TNKS: variants seen among roughly 807,000 people sequenced by gnomAD.
The protein encoded by TNKS is tankyrase.
Under a neutral mutation model 135.8 loss-of-function variants are expected in TNKS, and 72 were observed. That is an observed-to-expected ratio of 0.53 (90% CI 0.44 to 0.64). The LOEUF (loss-of-function observed/expected upper bound fraction) is 0.64. Ranked by LOEUF, TNKS falls within the 30% of genes least tolerant of loss-of-function variation. The pLI, the probability that TNKS is intolerant of heterozygous loss-of-function variation, is 0.00. For synonymous variants in TNKS, 849 were observed against 649.3 expected (o/e 1.31, Z -4.68); for missense variants, 1,769 against 1,674.0 (o/e 1.06, Z -0.99).
chr8:9,636,046 T>G (rs1800497602), intron 3 of TNKS, among the ~76,000 whole-genome samples: 1 of 152,218 alleles, frequency 6.6e-6, no homozygotes, highest in African/African-American at 2.4e-5. Flanking sequence ...AAGTATTGTT[T>G]TTAAAAAATA....
intron 5 of TNKS, among the ~76,000 whole-genome samples, chr8:9,685,948 G>A (rs902933842): frequency 6.6e-6 from 1 of 152,118 alleles, no homozygotes; most frequent in African/African-American, 2.4e-5. Context: ...CCGTCTCTCA[G>A]TATAACTTTT....
At chr8:9,664,445 C>G (rs1801892482) in intron 3 of TNKS, among the ~76,000 whole-genome samples, 1 of 152,340 alleles carries the variant, frequency 6.6e-6, no homozygotes, top group Non-Finnish European at 1.5e-5. Flanking sequence ...ACACCTCTTA[C>G]TAGGTCCCAC....
At chr8:9,759,430 C>G (rs1180929163) in intron 20 of TNKS, among the ~76,000 whole-genome samples, 3 of 152,216 alleles carry the variant, frequency 2.0e-5, no homozygotes, top group Non-Finnish European at 4.4e-5. Flanking sequence ...GGTAGGAGAG[C>G]ACTTTCCACG....
intron 2 of TNKS, among the ~76,000 whole-genome samples, chr8:9,599,309 G>A (rs1385025072): frequency 6.6e-6 from 1 of 152,140 alleles, no homozygotes; most frequent in African/African-American, 2.4e-5. Context: ...ATTGGGATAC[G>A]AGAGAGTGTT....
intron 13 of TNKS, among the ~76,000 whole-genome samples, chr8:9,730,627 T>C (rs897343646): frequency 3.9e-5 from 6 of 152,172 alleles, no homozygotes; most frequent in African/African-American, 7.2e-5. Context: ...CTTGCTTTAT[T>C]GTGGGTTTTT....
intron 3 of TNKS, among the ~76,000 whole-genome samples, chr8:9,627,322 C>T (rs925459986): frequency 2.6e-5 from 4 of 152,182 alleles, no homozygotes; most frequent in African/African-American, 9.7e-5. Flanking sequence ...CTGTGAGCCA[C>T]TCTAGCAAAT....
In TNKS at chr8:9,735,461, C is replaced by G. The variant is rs759962077; in HGVS notation, c.2618C>G (p.Pro873Arg). ...GCCCAGGACAAGGGTGGTTTAATTCCTCTTCATAATGCGGCATCTTATGGG... is the reference window on the plus strand; with the variant it reads ...GCCCAGGACAAGGGTGGTTTAATTCGTCTTCATAATGCGGCATCTTATGGG... The part of the protein sequence containing the change: ...VNAQDKGGLI[P>R]LHNAASYGHV... The change falls in exon 17 of 27, where the codon CCT becomes CGT. Residue 873 changes from proline (P) to arginine (R), a missense_variant. Transcript: ENST00000310430. The G allele has an allele frequency of 6.2e-7, 1 of 1,613,832 alleles. No homozygotes were observed. The highest frequency in any genetic ancestry group is 8.5e-7 in the Non-Finnish European group (1 of 1,179,872).
At chr8:9,620,210 G>C (rs2128767277) in intron 3 of TNKS, among the ~76,000 whole-genome samples, 1 of 152,282 alleles carries the variant, frequency 6.6e-6, no homozygotes, top group East Asian at 1.9e-4. Flanking sequence ...GCCTCCCAAA[G>C]TGCCGGGATT....
intron 3 of TNKS, among the ~76,000 whole-genome samples, chr8:9,648,927 A>G (rs531567419): frequency 1.3e-5 from 2 of 152,014 alleles, no homozygotes; most frequent in African/African-American, 4.8e-5. Context: ...ACAGGATTGT[A>G]TAGGAAATTC....
intron 3 of TNKS, among the ~76,000 whole-genome samples, chr8:9,642,908 ATT>A (rs1434227732): frequency 6.8e-6 from 1 of 146,430 alleles, no homozygotes. Context: ...TTTATGTACT[ATT>A]GTTATAAAGT....
intron 26 of TNKS, among the ~76,000 whole-genome samples, chr8:9,772,203 C>A (rs1009603140): frequency 3.3e-5 from 5 of 151,278 alleles, no homozygotes; most frequent in African/African-American, 1.2e-4. Flanking sequence ...GGGATTGTTT[C>A]ACTAAGGAGA....
chr8:9,599,249 T>A (rs975784106), intron 2 of TNKS, among the ~76,000 whole-genome samples: 7 of 152,356 alleles, frequency 4.6e-5, no homozygotes, highest in African/African-American at 1.7e-4. Context: ...CCAGCAGATC[T>A]TCTGTTAGCA....
At position 9,734,847 on chromosome 8, in the gene TNKS, G is replaced by C. The variant is rs774525158; in HGVS notation, c.2314-18G>C. Reference sequence around the variant, plus strand: ...ACTACAGAAAATACAAACCCCATTTGGTTTTTCTTCTTTGTAGCATGGAGC... The same window carrying C: ...ACTACAGAAAATACAAACCCCATTTCGTTTTTCTTCTTTGTAGCATGGAGC... On this transcript the variant is annotated intron_variant, in intron 15 of 26. Coordinates refer to ENST00000310430, the MANE Select transcript of TNKS (RefSeq NM_003747.3). 9 of 1,599,800 alleles carry C rather than the reference G, an allele frequency of 5.6e-6. No homozygotes were observed. Among genetic ancestry groups the C allele is most frequent in the South Asian group, 1.1e-5 (1 of 88,916 alleles).
intron 2 of TNKS, among the ~76,000 whole-genome samples, chr8:9,612,124 A>T (rs1193852315): frequency 6.6e-6 from 1 of 152,196 alleles, no homozygotes; most frequent in Non-Finnish European, 1.5e-5. Context: ...TTTAAAAGTC[A>T]TGAGAACTGA....
chr8:9,706,950 G>C lies in TNKS; in HGVS notation c.1409G>C (p.Ser470Thr), dbSNP rs1389999235. The C allele has an allele frequency of 6.2e-7, 1 of 1,613,200 alleles. No individual in the cohort carries two copies. Among genetic ancestry groups the C allele is most frequent in the Non-Finnish European group, 8.5e-7 (1 of 1,179,660 alleles). The change falls in exon 8 of 27, where the codon AGT becomes ACT. Residue 470 changes from serine (S) to threonine (T), a missense_variant. Ser to Thr is a moderately conservative substitution (Grantham distance 58). Coordinates refer to ENST00000310430, the MANE Select transcript of TNKS (RefSeq NM_003747.3). ...DPTLVNCHGK[S>T]AVDMAPTPEL... ...ACATTAGTCAACTGCCATGGCAAAA[G>C]TGCTGTGGATATGGCTCCAACTCCG...
chr8:9,562,799 A>G (rs772156661), intron 1 of TNKS, among the ~76,000 whole-genome samples: 89 of 150,684 alleles, frequency 5.9e-4, no homozygotes, highest in Middle Eastern at 3.2e-3. Flanking sequence ...GAGAATGGGA[A>G]TTTCCTTCCC....
intron 3 of TNKS, among the ~76,000 whole-genome samples, chr8:9,657,969 C>T (rs1413701882): frequency 4.9e-5 from 3 of 61,832 alleles, no homozygotes; most frequent in African/African-American, 1.3e-4. Context: ...GACGGGGTCT[C>T]GGCCGGGCAG....
intron 13 of TNKS, among the ~76,000 whole-genome samples, chr8:9,727,784 T>C (rs891252958): frequency 6.6e-6 from 1 of 152,218 alleles, no homozygotes; most frequent in Non-Finnish European, 1.5e-5. Context: ...AATTTTATTT[T>C]TGTTTTAATA....
At chr8:9,702,753 C>T (rs545801716) in intron 5 of TNKS, among the ~76,000 whole-genome samples, 4 of 152,260 alleles carry the variant, frequency 2.6e-5, no homozygotes, top group South Asian at 2.1e-4. Context: ...CAGTGGCTCA[C>T]GCCTGTAATC....
Sources: allele counts gnomAD v4.1 joint callset (sites outside exome capture counted in the v4.1 genomes callset), GRCh38; gene constraint gnomAD v4.1.1; transcripts MANE v1.5; gene names NCBI Gene and HGNC (gene_info 2026-07-23, HGNC 2026-07-21).